Variants in LRRC28 observed in about 807,000 individuals in gnomAD.
LRRC28 encodes leucine-rich repeat-containing protein 28.
A neutral mutation model predicts 45.7 loss-of-function variants in LRRC28; 39 were observed. That is an observed-to-expected ratio of 0.85 (90% CI 0.66 to 1.12). LRRC28 has a LOEUF of 1.12. Among genes scored for constraint, LRRC28 ranks in the 50% most tolerant of loss-of-function variants. The pLI is 0.00. For missense variants in LRRC28, 435 were observed against 438.5 expected, an observed-to-expected ratio of 0.99 and a Z score of 0.07; for synonymous variants, 206 against 178.8, an observed-to-expected ratio of 1.15 and a Z score of -1.22.
intron 2 of LRRC28, among the ~76,000 whole-genome samples, chr15:99,263,648 C>G (rs2081259405): frequency 6.6e-6 from 1 of 152,212 alleles, no homozygotes; most frequent in South Asian, 2.1e-4. Context: ...GCCTGGCTTA[C>G]TGCTTAACAT....
chr15:99,317,693 ATAT>A (rs1955645741), intron 5 of LRRC28: 1 of 152,134 alleles, frequency 6.6e-6, no homozygotes, highest in South Asian at 2.1e-4. Flanking sequence ...GCCAGTTCAA[ATAT>A]TATAGGAGAG....
chr15:99,358,152 T>C (rs1235450069), intron 7 of LRRC28, among the ~76,000 whole-genome samples: 1 of 152,210 alleles, frequency 6.6e-6, no homozygotes, highest in Non-Finnish European at 1.5e-5. Context: ...AGCTTTTCTT[T>C]ATGTCTTCGT....
At chr15:99,300,117 G>GTT (rs71149460) in intron 5 of LRRC28, among the ~76,000 whole-genome samples, 14,222 of 149,680 alleles carry the variant, frequency 0.095, 962 homozygotes, top group East Asian at 0.33. Flanking sequence ...GTGACTTAGT[G>GTT]TTTTTTTTTC....
At chr15:99,281,433 A>G (rs780635729) in intron 3 of LRRC28, among the ~76,000 whole-genome samples, 1 of 150,988 alleles carries the variant, frequency 6.6e-6, no homozygotes, top group Non-Finnish European at 1.5e-5. Flanking sequence ...TGTATTTATG[A>G]TATTTGGAAG....
At chr15:99,329,816 T>C (rs1956102041) in intron 5 of LRRC28, among the ~76,000 whole-genome samples, 1 of 152,226 alleles carries the variant, frequency 6.6e-6, no homozygotes, top group Non-Finnish European at 1.5e-5. Context: ...ACTGCAGTTA[T>C]AAAGCTGGCT....
In LRRC28 at chr15:99,287,950, A is replaced by G; in HGVS notation, c.384A>G (p.Pro128=). The G allele has an allele frequency of 5.0e-6, 8 of 1,613,130 alleles. No homozygotes were observed. The highest frequency in any genetic ancestry group is 6.8e-6 in the Non-Finnish European group (8 of 1,179,508). The change falls in exon 5 of 10, where the codon CCA becomes CCG. Residue 128 remains proline, a splice_region_variant and synonymous_variant. Coordinates refer to ENST00000301981, the MANE Select transcript of LRRC28 (RefSeq NM_144598.5). ...ATAACCAACTGCAATTCCTACCTCC[A>G]GGTAATCATAGTCTCTAGCACACTA... is the stretch of plus-strand genomic sequence containing the variant. ...LANNQLQFLP[P]EVGDLKELQT...
intron 5 of LRRC28, among the ~76,000 whole-genome samples, chr15:99,321,064 T>C (rs1955777921): frequency 6.6e-6 from 1 of 152,206 alleles, no homozygotes; most frequent in Admixed American, 6.5e-5. Context: ...TGTTTTCCTT[T>C]AGACTTGCCT....
intron 7 of LRRC28, 32 bp downstream of exon 7, chr15:99,352,503 A>C (rs1468051247): frequency 1.3e-6 from 2 of 1,522,944 alleles, no homozygotes; most frequent in Non-Finnish European, 1.8e-6. Context: ...GAACTAAAAA[A>C]TAGATTAACT....
chr15:99,283,387 G>A (rs1467592330), intron 3 of LRRC28, among the ~76,000 whole-genome samples: 2 of 150,380 alleles, frequency 1.3e-5, no homozygotes, highest in Admixed American at 6.6e-5. Flanking sequence ...GCCGAGGTGG[G>A]TGGATCACGA....
At chr15:99,340,902 C>T (rs1196162141) in intron 6 of LRRC28, among the ~76,000 whole-genome samples, 2 of 151,984 alleles carry the variant, frequency 1.3e-5, no homozygotes, top group African/African-American at 4.8e-5. Flanking sequence ...GAGAATTAGT[C>T]AGTTAACAAA....
intron 5 of LRRC28, among the ~76,000 whole-genome samples, chr15:99,288,473 C>T (rs1402097013): frequency 2.0e-5 from 3 of 148,854 alleles, no homozygotes. Context: ...TCTCTGCCTC[C>T]CAGGTTCAAG....
chr15:99,301,670 C>G (rs186751159), intron 5 of LRRC28, among the ~76,000 whole-genome samples: 2 of 152,248 alleles, frequency 1.3e-5, no homozygotes, highest in Admixed American at 6.5e-5. Flanking sequence ...CTAGCTCTAG[C>G]AGGTTTGATT....
intron 2 of LRRC28, among the ~76,000 whole-genome samples, chr15:99,270,935 T>A (rs1309395705): frequency 6.6e-6 from 1 of 152,240 alleles, no homozygotes; most frequent in African/African-American, 2.4e-5. Flanking sequence ...TTACTTTTCT[T>A]TTTTTGTTAG....
At position 99,387,086 on chromosome 15, in the gene LRRC28, A is replaced by C. The variant is rs60053812; in HGVS notation, c.*984A>C. On this transcript the variant is annotated 3_prime_UTR_variant, in exon 10 of 10. Coordinates refer to ENST00000301981, the MANE Select transcript of LRRC28 (RefSeq NM_144598.5). ...TTTTTTTTTGTTGTTGTTGAGACGG[A>C]GTCTCGCTCTGTCGCCCAGGCTGGA... The C allele has an allele frequency of 6.6e-6, 1 of 151,636 alleles. No homozygotes were observed. Among genetic ancestry groups the C allele is most frequent in the East Asian group, 1.9e-4 (1 of 5,168 alleles). The allele number at this position is 151,636 out of a possible 1,614,324, so 9.4% of individuals were successfully genotyped here. A position where few individuals can be genotyped will look rare whatever the true frequency, so the allele number is the denominator to read the frequency against.
chr15:99,359,110 C>T (rs899173066), intron 7 of LRRC28, among the ~76,000 whole-genome samples: 2 of 151,554 alleles, frequency 1.3e-5, no homozygotes, highest in East Asian at 1.9e-4. Context: ...ATACAATAAA[C>T]ATACTGGAAG....
At chr15:99,359,105 A>G (rs1332658946) in intron 7 of LRRC28, among the ~76,000 whole-genome samples, 1 of 152,114 alleles carries the variant, frequency 6.6e-6, no homozygotes, top group African/African-American at 2.4e-5. Context: ...TAAAAATACA[A>G]TAAACATACT....
At chr15:99,286,348 T>TC (rs1442828238) in intron 3 of LRRC28, among the ~76,000 whole-genome samples, 1 of 152,174 alleles carries the variant, frequency 6.6e-6, no homozygotes, top group Non-Finnish European at 1.5e-5. Flanking sequence ...CTCAGGCTGG[T>TC]CGCGAACTCC....
chr15:99,272,406 A>G (rs2081506482), intron 2 of LRRC28, among the ~76,000 whole-genome samples: 1 of 152,232 alleles, frequency 6.6e-6, no homozygotes, highest in African/African-American at 2.4e-5. Context: ...TCACTTAGCC[A>G]TGGCCAGCTT....
intron 5 of LRRC28, among the ~76,000 whole-genome samples, chr15:99,309,801 C>G (rs996953229): frequency 6.6e-6 from 1 of 152,186 alleles, no homozygotes; most frequent in Admixed American, 6.5e-5. Flanking sequence ...ATAATTCAGA[C>G]CAACCCTCCC....
Sources: gnomAD v4.1 joint callset for allele counts (sites outside exome capture counted in the v4.1 genomes callset) on GRCh38, gnomAD v4.1.1 for gene constraint, MANE v1.5 for transcripts, NCBI Gene and HGNC (gene_info 2026-07-23, HGNC 2026-07-21) for gene names.